WDPCP: variants seen among roughly 807,000 people sequenced by gnomAD.
WDPCP encodes the protein WD repeat containing planar cell polarity effector, also known as WD repeat-containing and planar cell polarity effector protein fritz homolog.
Under a neutral mutation model 93.1 loss-of-function variants are expected in WDPCP, and 71 were observed. That is an observed-to-expected ratio of 0.76 (90% CI 0.63 to 0.93). The LOEUF (loss-of-function observed/expected upper bound fraction) is 0.93, where lower values mean the gene tolerates loss of function less well. Among genes scored for constraint, WDPCP ranks in the 40% least tolerant of loss-of-function variants. The probability of loss-of-function intolerance (pLI) is 0.00; values close to 1 mark genes in which losing one functional copy is unlikely to be tolerated. For synonymous variants in WDPCP, 315 were observed against 315.0 expected (o/e 1.00, Z 0.00); for missense variants, 844 against 887.4 (o/e 0.95, Z 0.62).
At chr2:63,578,245 C>T (rs1708248622) in intron 1 of WDPCP, among the ~76,000 whole-genome samples, 1 of 152,118 alleles carries the variant, frequency 6.6e-6, no homozygotes, top group Non-Finnish European at 1.5e-5. Flanking sequence ...CAATTTTCAG[C>T]ATTATCATTA....
chr2:63,699,097 T>G (rs539463128), intron 2 of WDPCP, among the ~76,000 whole-genome samples: 17 of 152,072 alleles, frequency 1.1e-4, no homozygotes, highest in Non-Finnish European at 2.5e-4. Context: ...CAACAGCTAC[T>G]CCCACAAACA....
At chr2:63,296,579 A>G (rs1684875244) in intron 13 of WDPCP, among the ~76,000 whole-genome samples, 1 of 152,242 alleles carries the variant, frequency 6.6e-6, no homozygotes, top group East Asian at 1.9e-4. Flanking sequence ...CTAGACTTGA[A>G]AAATGACTTC....
At chr2:63,386,682 T>A (rs1170524231) in intron 10 of WDPCP, among the ~76,000 whole-genome samples, 5 of 152,074 alleles carry the variant, frequency 3.3e-5, no homozygotes, top group African/African-American at 1.2e-4. Context: ...ACTTGTAGGT[T>A]TTTGACAAGA....
chr2:63,259,241 A>G (rs757233897), intron 14 of WDPCP, 66 bp downstream of exon 14: 7 of 1,357,076 alleles, frequency 5.2e-6, no homozygotes, highest in Non-Finnish European at 7.3e-6. Context: ...TCCTCCAAAC[A>G]TAAATAGAAA....
intron 1 of WDPCP, among the ~76,000 whole-genome samples, chr2:63,580,566 C>T (rs1168244478): frequency 1.6e-4 from 24 of 152,020 alleles, no homozygotes; most frequent in Admixed American, 1.6e-3. Context: ...TCAAACAAAC[C>T]CAAATTGAGG....
At chr2:63,817,774 A>T (rs1388762912) in intron 1 of WDPCP, among the ~76,000 whole-genome samples, 1 of 152,214 alleles carries the variant, frequency 6.6e-6, no homozygotes, top group African/African-American at 2.4e-5. Flanking sequence ...AGGGGGAAAA[A>T]TTATAGTCTG....
intron 2 of WDPCP, among the ~76,000 whole-genome samples, chr2:63,798,907 A>C (rs1575775998): frequency 6.6e-6 from 1 of 152,274 alleles, no homozygotes; most frequent in East Asian, 1.9e-4. Context: ...ATTAAAACAA[A>C]CAAACAGATT....
At chr2:63,305,441 C>T (rs1221441872) in intron 13 of WDPCP, among the ~76,000 whole-genome samples, 1 of 152,138 alleles carries the variant, frequency 6.6e-6, no homozygotes, top group East Asian at 1.9e-4. Flanking sequence ...AGGCAAACTC[C>T]AGCAGACCTG....
chr2:63,368,710 C>T (rs1256403556), intron 12 of WDPCP: 1 of 151,402 alleles, frequency 6.6e-6, no homozygotes, highest in Non-Finnish European at 1.5e-5. Context: ...CAGGCATACA[C>T]CTGGCAAGTT....
At chr2:63,334,547 C>G (rs1688215211) in intron 12 of WDPCP, among the ~76,000 whole-genome samples, 1 of 152,138 alleles carries the variant, frequency 6.6e-6, no homozygotes, top group Non-Finnish European at 1.5e-5. Context: ...CTTGATTAGC[C>G]TCTCCAAAGG....
chr2:63,355,235 A>G (rs535303793), intron 12 of WDPCP, among the ~76,000 whole-genome samples: 1 of 152,218 alleles, frequency 6.6e-6, no homozygotes, highest in Non-Finnish European at 1.5e-5. Flanking sequence ...CATCAGGCTA[A>G]GAGTGGACCT....
chr2:63,235,285 T>C (rs1410698920), intron 14 of WDPCP, among the ~76,000 whole-genome samples: 1 of 152,002 alleles, frequency 6.6e-6, no homozygotes. Context: ...CCACCCAAGA[T>C]TGAGCCAGAA....
intron 3 of WDPCP, chr2:63,622,981 T>G (rs1311840573): frequency 1.5e-6 from 1 of 661,118 alleles, no homozygotes; most frequent in African/African-American, 1.8e-5. Context: ...AAGCAGCTGC[T>G]GCCGCCGCCA....
intron 6 of WDPCP, among the ~76,000 whole-genome samples, chr2:63,483,076 A>G (rs1027276197): frequency 7.2e-5 from 11 of 151,938 alleles, no homozygotes; most frequent in Non-Finnish European, 1.5e-4. Flanking sequence ...ATTAAACTCT[A>G]TCTAAAAAGG....
chr2:63,378,123 C>A, intron 12 of WDPCP: 1 of 446,822 alleles, frequency 2.2e-6, no homozygotes, highest in Non-Finnish European at 4.1e-6. Context: ...AATATTTCTA[C>A]ATTGACTTTA....
intron 2 of WDPCP, among the ~76,000 whole-genome samples, chr2:63,768,209 T>C (rs1670174089): frequency 6.6e-6 from 1 of 152,112 alleles, no homozygotes; most frequent in African/African-American, 2.4e-5. Context: ...CTTTGTACTT[T>C]TGTTAAAAAT....
chr2:63,209,554 C>T (rs1228018736), intron 14 of WDPCP, among the ~76,000 whole-genome samples: 1 of 152,144 alleles, frequency 6.6e-6, no homozygotes, highest in East Asian at 1.9e-4. Context: ...GGTGATTTAT[C>T]CCTGTCCACT....
At chr2:63,809,152 C>A (rs1245690341) in intron 2 of WDPCP, among the ~76,000 whole-genome samples, 1 of 151,734 alleles carries the variant, frequency 6.6e-6, no homozygotes, top group Non-Finnish European at 1.5e-5. Flanking sequence ...CCGGCAGCCA[C>A]CCCGTCTGGG....
At chr2:63,252,952 C>T (rs1168871846) in intron 14 of WDPCP, among the ~76,000 whole-genome samples, 1 of 152,052 alleles carries the variant, frequency 6.6e-6, no homozygotes, top group Non-Finnish European at 1.5e-5. Context: ...GCCCAGATAA[C>T]CAAAGCAATC....
Sources: gnomAD v4.1 joint callset for allele counts (sites outside exome capture counted in the v4.1 genomes callset) on GRCh38, gnomAD v4.1.1 for gene constraint, MANE v1.5 for transcripts, NCBI Gene and HGNC (gene_info 2026-07-23, HGNC 2026-07-21) for gene names.